KRT25: variants seen among roughly 807,000 people sequenced by gnomAD.
KRT25 encodes keratin 25.
KRT25 carries 37 observed loss-of-function variants against 47.6 expected under a neutral mutation model. That is an observed-to-expected ratio of 0.78 (90% CI 0.60 to 1.02). The LOEUF (loss-of-function observed/expected upper bound fraction) is 1.02, where lower values mean the gene tolerates loss of function less well. KRT25 is among the 50% of genes least tolerant of loss of function. The pLI is 0.00. For synonymous variants in KRT25, 203 were observed against 210.2 expected (o/e 0.97, Z 0.30); for missense variants, 542 against 550.3 (o/e 0.98, Z 0.15).
rs2038041016 is a variant in KRT25 at position 40,751,009 on chromosome 17, T to A, written c.902A>T (p.Glu301Val). Residue 301 changes from glutamate to valine, a missense_variant, in exon 5 of 8, where the codon GAA (glutamate) becomes GTA (valine). Coordinates refer to ENST00000312150, the MANE Select transcript of KRT25 (RefSeq NM_181534.4). ...CAGGGTTTGAAGAGTGCGCTTCATT[T>A]CAGTCAGCTCATTCCGGGCTGAGGT... Reference protein sequence around the residue: ...ATTSARNELTEMKRTLQTLEI... With the variant: ...ATTSARNELTVMKRTLQTLEI... 1 of 1,614,094 alleles carries A rather than the reference T, an allele frequency of 6.2e-7. No individual in the cohort carries two copies. The highest frequency in any genetic ancestry group is 1.7e-5 in the Admixed American group (1 of 60,008).
Position 40,748,196 on chromosome 17 carries a change from C to A in KRT25, c.*81G>T. The A allele has an allele frequency of 1.2e-6, 1 of 846,980 alleles. No individual in the cohort carries two copies. The highest frequency in any genetic ancestry group is 1.9e-5 in the South Asian group (1 of 51,716). The allele number at this position is 846,980 out of a possible 1,614,324, so 52.5% of individuals were successfully genotyped here. On this transcript the variant is annotated 3_prime_UTR_variant, in exon 8 of 8. Transcript: ENST00000312150. ...CAACAGGTTAGACATTTTTCTTAGACATGCACATTTTTCTGGACAGATACA... is the reference window on the plus strand; with the variant it reads ...CAACAGGTTAGACATTTTTCTTAGAAATGCACATTTTTCTGGACAGATACA...
intron 1 of KRT25, 119 bp downstream of exon 1, chr17:40,754,718 CAAAAAA>C (rs33924883): frequency 2.0e-5 from 12 of 606,186 alleles, no homozygotes; most frequent in African/African-American, 3.2e-5. Flanking sequence ...AACTCCTTCT[CAAAAAA>C]AAAAAAAAAA....
At position 40,755,075 on chromosome 17, in the gene KRT25, C is replaced by T; in HGVS notation, c.197G>A (p.Gly66Asp). The T allele has an allele frequency of 6.2e-7, 1 of 1,613,988 alleles. No individual in the cohort carries two copies. Among genetic ancestry groups the T allele is most frequent in the Non-Finnish European group, 8.5e-7 (1 of 1,179,974 alleles). Residue 66 changes from glycine (G) to aspartate (D), a missense_variant, in exon 1 of 8, where the codon GGC (glycine) becomes GAC (aspartate). Physicochemically the swap from Gly to Asp is moderately conservative, Grantham distance 94. Coordinates refer to ENST00000312150, the MANE Select transcript of KRT25 (RefSeq NM_181534.4). ...GAGCCCCCGCTCATTCACAGTGAAG[C>T]CAGCACAGGGATTACCTCCCCCTGT... Reference protein sequence around the residue: ...GNTGGGNPCAGFTVNERGLLS... With the variant: ...GNTGGGNPCADFTVNERGLLS...
rs145861447 is a variant in KRT25 at position 40,750,525 on chromosome 17, G to A, written c.1030C>T (p.Gln344Ter). 4.6e-5 allele frequency: 74 copies of A among 1,614,090 alleles called. No individual in the cohort carries two copies. Among genetic ancestry groups the A allele is most frequent in the Non-Finnish European group, 5.8e-5 (68 of 1,180,042 alleles). Reference sequence around the variant, plus strand: ...AGCTGCTCCTCCAGGGCCCCGATCTGAGCCTGGATCTGCGCCAGCTGCGCA... The same window carrying A: ...AGCTGCTCCTCCAGGGCCCCGATCTAAGCCTGGATCTGCGCCAGCTGCGCA... ...YCAQLAQIQA[Q>*]IGALEEQLHQ... is the part of the protein sequence containing the mutation. The change falls in exon 6 of 8, where the codon CAG becomes TAG. Residue 344 changes from glutamine to a stop codon, truncating the protein, a stop_gained. Coordinates refer to ENST00000312150, the MANE Select transcript of KRT25 (RefSeq NM_181534.4). LOFTEE classifies it high-confidence loss of function.
At position 40,751,151 on chromosome 17, in the gene KRT25, T is replaced by C; in HGVS notation, c.831+14A>G. The C allele has an allele frequency of 6.2e-7, 1 of 1,614,114 alleles. No individual in the cohort carries two copies. Among genetic ancestry groups the C allele is most frequent in the Non-Finnish European group, 8.5e-7 (1 of 1,179,984 alleles). The stretch of plus-strand genomic sequence containing the variant: ...AGTAACATGCAAAGGGACCGTTTTC[T>C]GGAGGAGAGTCACCTTCTCGTTGAA... On this transcript the variant is annotated intron_variant, in intron 4 of 7. Transcript: ENST00000312150.
At position 40,751,198 on chromosome 17, in the gene KRT25, G is replaced by A. The variant is rs770165392; in HGVS notation, c.798C>T (p.Asn266=). 1.2e-6 allele frequency: 2 copies of A among 1,614,220 alleles called. No individual in the cohort carries two copies. The highest frequency in any genetic ancestry group is 1.7e-6 in the Non-Finnish European group (2 of 1,180,036). ...TGAACCAGGCCTCCGCGTCCCTGCG[G>A]TTCTGCTCTGCAAGGGCTTCGTACT... ...RAEYEALAEQ[N]RRDAEAWFNE... Residue 266 remains asparagine (N), a synonymous_variant, in exon 4 of 8, where the codon AAC becomes AAT. Transcript: ENST00000312150.
Position 40,750,446 on chromosome 17 carries a change from A to G in KRT25, c.1109T>C (p.Leu370Pro). The G allele has an allele frequency of 6.2e-7, 1 of 1,613,930 alleles. No individual in the cohort carries two copies. Among genetic ancestry groups the G allele is most frequent in the Non-Finnish European group, 8.5e-7 (1 of 1,179,882 alleles). The change falls in exon 6 of 8, where the codon CTG becomes CCG. Residue 370 changes from leucine to proline, a missense_variant. Coordinates refer to ENST00000312150, the MANE Select transcript of KRT25 (RefSeq NM_181534.4). ...TTTTTCCAGGTGGAGCTTGATGTCC[A>G]GGAGCTGCTCATACTCCAGCTTCTG... ...EGQKLEYEQL[L>P]DIKLHLEKEI... is the part of the protein sequence containing the mutation.
chr17:40,750,485 G>T lies in KRT25; in HGVS notation c.1070C>A (p.Thr357Asn). ...ALEEQLHQVR[T>N]ETEGQKLEYE... ...CTCCAGCTTCTGGCCCTCGGTCTCG[G>T]TTCTGACCTGGTGCAGCTGCTCCTC... is the stretch of plus-strand genomic sequence containing the variant. Residue 357 changes from threonine to asparagine, a missense_variant, in exon 6 of 8, where the codon ACC becomes AAC. Thr to Asn is a moderately conservative substitution (Grantham distance 65). Transcript: ENST00000312150. 6.2e-7 allele frequency: 1 copy of T among 1,614,110 alleles called. No homozygotes were observed. Among genetic ancestry groups the T allele is most frequent in the Non-Finnish European group, 8.5e-7 (1 of 1,179,982 alleles).
chr17:40,754,285 A>G (rs927104068), intron 2 of KRT25, 101 bp downstream of exon 2: 99 of 997,136 alleles, frequency 9.9e-5, no homozygotes, highest in Non-Finnish European at 2.0e-5. Context: ...TGTTTATGTG[A>G]AATTCAAGTG....
rs145150631 is a variant in KRT25 at position 40,748,560 on chromosome 17, A to C, written c.1244-174T>G. Among the ~76,000 whole-genome samples, 61 of 152,346 alleles carry C rather than the reference A, an allele frequency of 4.0e-4. No individual in the cohort carries two copies. In the East Asian group the frequency reaches 0.012, roughly 29 times the overall value. ...ATTTGGTTAGAAAAAACATGGTGAC[A>C]TGTTATTTTGTTTAAAATTAGCACA... On this transcript the variant is annotated intron_variant, in intron 7 of 7. Transcript: ENST00000312150.
intron 3 of KRT25, among the ~76,000 whole-genome samples, chr17:40,751,883 C>CAT (rs1555544043): frequency 6.7e-6 from 1 of 148,920 alleles, no homozygotes; most frequent in Non-Finnish European, 1.5e-5. Context: ...TGTGTGCGTG[C>CAT]GTGTGTGTGT....
rs2038035377 is a variant in KRT25 at position 40,750,456 on chromosome 17, C to T, written c.1099G>A (p.Glu367Lys). 1.2e-6 allele frequency: 2 copies of T among 1,613,884 alleles called. No homozygotes were observed. The highest frequency in any genetic ancestry group is 2.7e-5 in the African/African-American group (2 of 74,898). Residue 367 changes from glutamate (E) to lysine (K), a missense_variant, in exon 6 of 8, where the codon GAG (glutamate) becomes AAG (lysine). Transcript: ENST00000312150. The part of the protein sequence containing the change: ...TETEGQKLEY[E>K]QLLDIKLHLE... ...TGGAGCTTGATGTCCAGGAGCTGCT[C>T]ATACTCCAGCTTCTGGCCCTCGGTC...
intron 3 of KRT25, among the ~76,000 whole-genome samples, chr17:40,753,437 C>T (rs1236505851): frequency 2.0e-5 from 3 of 151,448 alleles, no homozygotes; most frequent in Admixed American, 2.0e-4. Context: ...TGGCTCACGC[C>T]TGTAATCCCA....
chr17:40,751,904 G>A (rs1409244716), intron 3 of KRT25, among the ~76,000 whole-genome samples: 4 of 151,608 alleles, frequency 2.6e-5, no homozygotes, highest in Non-Finnish European at 4.4e-5. Context: ...GTGTGTGTGT[G>A]TGTGTGTGTA....
chr17:40,751,490 C>A (rs2038047473), intron 3 of KRT25, among the ~76,000 whole-genome samples, 164 bp from the exon 4 acceptor site: 1 of 152,190 alleles, frequency 6.6e-6, no homozygotes, highest in African/African-American at 2.4e-5. Context: ...TGACCTAATT[C>A]TCAAAGACGG....
chr17:40,754,787 A>G, intron 1 of KRT25, 56 bp downstream of exon 1: 1 of 1,437,022 alleles, frequency 7.0e-7, no homozygotes. Flanking sequence ...AAAGAAAGGA[A>G]AACAAAATTT....
chr17:40,754,985 C>A lies in KRT25; in HGVS notation c.287G>T (p.Ser96Ile). 1 of 1,614,184 alleles carries A rather than the reference C, an allele frequency of 6.2e-7. No individual in the cohort carries two copies. The highest frequency in any genetic ancestry group is 8.5e-7 in the Non-Finnish European group (1 of 1,180,036). The change falls in exon 1 of 8, where the codon AGT (serine) becomes ATT (isoleucine). Residue 96 changes from serine (S) to isoleucine (I), a missense_variant. Transcript: ENST00000312150. ...LNDRLASYLD[S>I]VHALEEANAD... ...GTTGGCCTCCTCCAGAGCATGCACA[C>A]TGTCCAGGTAGGATGCCAGGCGGTC...
Position 40,751,259 on chromosome 17 carries a change from A to AC in KRT25, c.736dup (p.Val246GlyfsTer13), listed in dbSNP as rs1164101943. The AC allele has an allele frequency of 1.2e-6, 2 of 1,614,092 alleles. No homozygotes were observed. The highest frequency in any genetic ancestry group is 3.3e-5 in the Admixed American group (2 of 60,016). The stretch of plus-strand genomic sequence containing the variant: ...GTTGTTCAGCAGAACTGTGAGGTCC[A>AC]CCCCGGGGGCTGCGTTCATCTCCAC... On this transcript the variant is annotated frameshift_variant, in exon 4 of 8. Transcript: ENST00000312150. LOFTEE classifies it high-confidence loss of function.
chr17:40,750,851 A>G, intron 5 of KRT25, 103 bp downstream of exon 5: 2 of 1,413,714 alleles, frequency 1.4e-6, no homozygotes, highest in South Asian at 1.3e-5. Context: ...TGAGACAATT[A>G]TAAACAAATA....
Sources: gnomAD v4.1 joint callset for allele counts (sites outside exome capture counted in the v4.1 genomes callset) on GRCh38, gnomAD v4.1.1 for gene constraint, MANE v1.5 for transcripts, NCBI Gene and HGNC (gene_info 2026-07-23, HGNC 2026-07-21) for gene names.